GOLGB1: variants seen among roughly 807,000 people sequenced by gnomAD.
The protein encoded by GOLGB1 is golgin B1.
In GOLGB1, 174 loss-of-function variants were observed where a neutral mutation model predicts 336.9. That is an observed-to-expected ratio of 0.52 (90% CI 0.46 to 0.59). The LOEUF is 0.59. GOLGB1 is among the 20% of genes least tolerant of loss of function. The probability of loss-of-function intolerance (pLI) is 0.00; values close to 1 mark genes in which losing one functional copy is unlikely to be tolerated. For missense variants in GOLGB1, 3,331 were observed against 3,645.3 expected (o/e 0.91, Z 2.22); for synonymous variants, 1,208 against 1,289.2 (o/e 0.94, Z 1.35).
At position 121,664,801 on chromosome 3, in the gene GOLGB1, A is replaced by G; in HGVS notation, c.9660+125T>C. The G allele has an allele frequency of 7.7e-6, 6 of 783,326 alleles. No homozygotes were observed. In the South Asian group the frequency reaches 9.9e-5, roughly 13 times the overall value. 48.5% of individuals were successfully genotyped at this position (783,326 alleles called of 1,614,324 possible). Reference sequence around the variant, plus strand: ...AGGTTCTAATCTTCCACGCCCTTCCAGCCTTAGACTCATTCGCTGCTCAGT... The same window carrying G: ...AGGTTCTAATCTTCCACGCCCTTCCGGCCTTAGACTCATTCGCTGCTCAGT... On this transcript the variant is annotated intron_variant, in intron 21 of 21. Transcript: ENST00000614479.
At chr3:121,717,223 T>C (rs1233303906) in intron 8 of GOLGB1, 84 bp from the exon 9 acceptor site, 2 of 999,276 alleles carry the variant, frequency 2.0e-6, no homozygotes, top group Admixed American at 2.7e-5. Flanking sequence ...TCTTATAGGA[T>C]GGAAAAAAAT....
At chr3:121,748,755 C>T (rs1490836959) in intron 1 of GOLGB1, 1 of 937,432 alleles carries the variant, frequency 1.1e-6, no homozygotes, top group Non-Finnish European at 1.3e-6. Flanking sequence ...CAGACAGCTT[C>T]CAACTATCTC....
chr3:121,708,906 C>T (rs1486011415), intron 10 of GOLGB1, among the ~76,000 whole-genome samples: 1 of 152,008 alleles, frequency 6.6e-6, no homozygotes, highest in African/African-American at 2.4e-5. Context: ...ACTAGGCACT[C>T]CAATCACAAA....
chr3:121,713,019 G>A (rs1249406304), intron 10 of GOLGB1, among the ~76,000 whole-genome samples: 7 of 152,092 alleles, frequency 4.6e-5, no homozygotes, highest in East Asian at 3.9e-4. Flanking sequence ...AAAATTAGCC[G>A]GGTGTGGTGG....
At chr3:121,719,065 A>G (rs1049215518) in intron 7 of GOLGB1, among the ~76,000 whole-genome samples, 13 of 152,222 alleles carry the variant, frequency 8.5e-5, no homozygotes, top group South Asian at 6.2e-4. Context: ...ATTAATTCTA[A>G]TTAATTTTCA....
intron 1 of GOLGB1, 132 bp from the exon 2 acceptor site, chr3:121,731,105 G>T: frequency 1.2e-6 from 1 of 847,002 alleles, no homozygotes; most frequent in Non-Finnish European, 1.8e-6. Flanking sequence ...GACACAGTCT[G>T]CAGCACAATG....
chr3:121,679,969 C>T (rs1408750249), intron 15 of GOLGB1, among the ~76,000 whole-genome samples: 2 of 152,184 alleles, frequency 1.3e-5, no homozygotes, highest in African/African-American at 4.8e-5. Flanking sequence ...CAAGATGCCC[C>T]TCTTAACCAT....
Position 121,695,656 on chromosome 3 carries a change from G to T in GOLGB1, c.4867C>A (p.Leu1623Ile), listed in dbSNP as rs1361959222. The change falls in exon 13 of 22, where the codon CTT (leucine) becomes ATT (isoleucine). Residue 1623 changes from leucine (L) to isoleucine (I), a missense_variant. Physicochemically the swap from Leu to Ile is conservative, Grantham distance 5 (BLOSUM62 2). Coordinates refer to ENST00000614479, the MANE Select transcript of GOLGB1 (RefSeq NM_001366282.2). ...HKELQKEYEI[L>I]LQSYENVSNE... ...CTAACATTCTCATAGGACTGCAGAAGAATTTCATACTCTTTTTGTAGCTCC... is the reference window on the plus strand; with the variant it reads ...CTAACATTCTCATAGGACTGCAGAATAATTTCATACTCTTTTTGTAGCTCC... 1 of 1,613,174 alleles carries T rather than the reference G, an allele frequency of 6.2e-7. No homozygotes were observed. Among genetic ancestry groups the T allele is most frequent in the Non-Finnish European group, 8.5e-7 (1 of 1,179,914 alleles).
rs760191276 is a variant in GOLGB1, at chr3:121,698,466, CACTG to C, written c.2053_2056del (p.Gln685ValfsTer9). On this transcript the variant is annotated frameshift_variant, in exon 13 of 22. Coordinates refer to ENST00000614479, the MANE Select transcript of GOLGB1 (RefSeq NM_001366282.2). LOFTEE classifies it high-confidence loss of function. ...TAACCTTTCCAACTCATCCTGATGA[CACTG>C]ACCAATATCTGGTACAGCAGAAAGG... The C allele has an allele frequency of 1.2e-6, 2 of 1,613,872 alleles. No homozygotes were observed. Among genetic ancestry groups the C allele is most frequent in the Non-Finnish European group, 1.7e-6 (2 of 1,179,804 alleles).
intron 11 of GOLGB1, among the ~76,000 whole-genome samples, chr3:121,701,834 T>C (rs28373454): frequency 0.013 from 1,984 of 152,220 alleles, 41 homozygotes; most frequent in African/African-American, 0.045. Flanking sequence ...GCTTATAATA[T>C]AGTAAAAAAG....
intron 1 of GOLGB1, among the ~76,000 whole-genome samples, chr3:121,734,404 A>C (rs1946342566): frequency 6.6e-6 from 1 of 151,678 alleles, no homozygotes; most frequent in South Asian, 2.1e-4. Flanking sequence ...AAAAAAAAAA[A>C]AAAAAAACAA....
intron 7 of GOLGB1, among the ~76,000 whole-genome samples, chr3:121,718,731 C>A (rs755489707): frequency 6.6e-6 from 1 of 152,076 alleles, no homozygotes; most frequent in Non-Finnish European, 1.5e-5. Context: ...ACAAGCAAGT[C>A]CCTGAATTAG....
At chr3:121,670,276 C>T (rs1172065468) in intron 17 of GOLGB1, among the ~76,000 whole-genome samples, 1 of 152,086 alleles carries the variant, frequency 6.6e-6, no homozygotes, top group African/African-American at 2.4e-5. Context: ...GGACCATGTA[C>T]ATTATATGAG....
intron 1 of GOLGB1, among the ~76,000 whole-genome samples, chr3:121,739,109 T>A (rs536886035): frequency 2.6e-5 from 4 of 151,954 alleles, no homozygotes; most frequent in African/African-American, 7.2e-5. Flanking sequence ...AAAATTTTTT[T>A]AAAAAGTCAG....
At chr3:121,720,961 G>A (rs759856744) in intron 6 of GOLGB1, among the ~76,000 whole-genome samples, 14 of 151,892 alleles carry the variant, frequency 9.2e-5, no homozygotes, top group Non-Finnish European at 1.6e-4. Context: ...GCACTTATTC[G>A]GAAAGCCTTA....
At chr3:121,742,654 A>AAGAAACTACCATC (rs1336836532) in intron 1 of GOLGB1, among the ~76,000 whole-genome samples, 1 of 152,240 alleles carries the variant, frequency 6.6e-6, no homozygotes, top group Admixed American at 6.5e-5. Flanking sequence ...TGCACAGCAA[A>AAGAAACTACCATC]AGAAACTACC....
chr3:121,719,634 T>C lies in GOLGB1; in HGVS notation c.771+12A>G. On this transcript the variant is annotated intron_variant, in intron 7 of 21. Transcript: ENST00000614479. ...AAAATGACAGTCATTCTACCGAGTT[T>C]TAGCAACACACCTGTTGCATCTCTG... 2.5e-6 allele frequency: 4 copies of C among 1,596,242 alleles called. No individual in the cohort carries two copies. Among genetic ancestry groups the C allele is most frequent in the Non-Finnish European group, 3.4e-6 (4 of 1,171,234 alleles).
chr3:121,729,512 C>T (rs993058856), intron 3 of GOLGB1, among the ~76,000 whole-genome samples, 172 bp from the exon 4 acceptor site: 2 of 152,156 alleles, frequency 1.3e-5, no homozygotes, highest in Non-Finnish European at 2.9e-5. Flanking sequence ...CTCCCAGGCT[C>T]AAGCGATCCT....
intron 15 of GOLGB1, among the ~76,000 whole-genome samples, chr3:121,679,803 C>A (rs564660506): frequency 6.6e-6 from 1 of 152,184 alleles, no homozygotes; most frequent in South Asian, 2.1e-4. Flanking sequence ...CCTCCTCCCC[C>A]ACTCCCACTG....
Sources: gnomAD v4.1 joint callset for allele counts (sites outside exome capture counted in the v4.1 genomes callset) on GRCh38, gnomAD v4.1.1 for gene constraint, MANE v1.5 for transcripts, NCBI Gene and HGNC (gene_info 2026-07-23, HGNC 2026-07-21) for gene names.